NR3C2: variants seen among roughly 807,000 people sequenced by gnomAD.
NR3C2 encodes the protein mineralocorticoid receptor.
A neutral mutation model predicts 86.4 loss-of-function variants in NR3C2; 15 were observed. The observed-to-expected ratio is 0.17, with a 90% CI of 0.12 to 0.27. The LOEUF is 0.27. Ranked by LOEUF, NR3C2 falls within the 10% of genes least tolerant of loss-of-function variation. NR3C2 has a pLI of 1.00. For missense variants in NR3C2, 960 were observed against 1,195.6 expected, an observed-to-expected ratio of 0.80 and a Z score of 2.91; for synonymous variants, 458 against 450.5, an observed-to-expected ratio of 1.02 and a Z score of -0.21.
chr4:148,112,325 T>C (rs986039900), intron 8 of NR3C2, among the ~76,000 whole-genome samples: 7 of 152,244 alleles, frequency 4.6e-5, no homozygotes, highest in Non-Finnish European at 7.3e-5. Context: ...GATATTGCAC[T>C]TGTGCCTAAC....
At chr4:148,445,022 T>A, upstream of NR3C2, 1 of 983,564 alleles carries the variant, frequency 1.0e-6, no homozygotes, top group Non-Finnish European at 1.2e-6. Context: ...GGTCACGCCC[T>A]CACGAGCGGG....
Position 148,125,492 on chromosome 4 carries a change from C to T in NR3C2, c.2511-5204G>A, listed in dbSNP as rs551299587. Among the ~76,000 whole-genome samples, 14 of 152,288 alleles carry T rather than the reference C, an allele frequency of 9.2e-5. No individual in the cohort carries two copies. The South Asian group carries it at 2.7e-3, about 29-fold the overall frequency. ...TCAATAGTCAGTGGGCCATCTGTGGCATTAGTTCTGCTTTAAAGCACCCTG... is the reference window on the plus strand; with the variant it reads ...TCAATAGTCAGTGGGCCATCTGTGGTATTAGTTCTGCTTTAAAGCACCCTG... On this transcript the variant is annotated intron_variant, in intron 6 of 8. Coordinates refer to ENST00000358102, the MANE Select transcript of NR3C2 (RefSeq NM_000901.5).
intron 2 of NR3C2, among the ~76,000 whole-genome samples, chr4:148,377,300 G>T (rs1156892772): frequency 1.3e-5 from 2 of 152,198 alleles, no homozygotes; most frequent in South Asian, 4.1e-4. Flanking sequence ...ACACCTGCAT[G>T]GTATGAGGGC....
At chr4:148,270,117 T>G (rs964857997) in intron 2 of NR3C2, among the ~76,000 whole-genome samples, 3 of 152,006 alleles carry the variant, frequency 2.0e-5, no homozygotes, top group Non-Finnish European at 4.4e-5. Flanking sequence ...AAAAAGTTGA[T>G]GTAAAACATG....
At chr4:148,400,709 C>T (rs566825041) in intron 2 of NR3C2, among the ~76,000 whole-genome samples, 6 of 131,326 alleles carry the variant, frequency 4.6e-5, no homozygotes, top group South Asian at 2.5e-4. Flanking sequence ...ACCTGGGAGG[C>T]GGAGGTTGTG....
intron 2 of NR3C2, among the ~76,000 whole-genome samples, chr4:148,285,881 A>G (rs1015944245): frequency 2.6e-5 from 4 of 152,238 alleles, no homozygotes; most frequent in African/African-American, 9.6e-5. Context: ...GTTCTATTTC[A>G]CATATGTGAT....
At chr4:148,148,885 A>G (rs1421856477) in intron 6 of NR3C2, among the ~76,000 whole-genome samples, 1 of 152,192 alleles carries the variant, frequency 6.6e-6, no homozygotes, top group Admixed American at 6.5e-5. Context: ...TGCTTAGAAT[A>G]CTGACAACAG....
At position 148,147,108 on chromosome 4, in the gene NR3C2, A is replaced by G. The variant is rs1272430795; in HGVS notation, c.2510+5361T>C. On this transcript the variant is annotated intron_variant, in intron 6 of 8. Coordinates refer to ENST00000358102, the MANE Select transcript of NR3C2 (RefSeq NM_000901.5). The stretch of plus-strand genomic sequence containing the variant: ...CATATTTGAAAAGTTTTGAGTTTAT[A>G]ATAAGAAAAGTTCTATGTTAATTTA... Among the ~76,000 whole-genome samples the G allele has an allele frequency of 2.6e-5, 4 of 152,352 alleles. No homozygotes were observed. In the East Asian group the frequency reaches 5.8e-4, roughly 22 times the overall value.
intron 6 of NR3C2, among the ~76,000 whole-genome samples, chr4:148,142,105 G>T (rs1384152726): frequency 6.6e-6 from 1 of 152,206 alleles, no homozygotes; most frequent in Non-Finnish European, 1.5e-5. Context: ...GGTTAATTTG[G>T]CTGGTGTGGA....
chr4:148,361,564 C>T (rs1745838790), intron 2 of NR3C2, among the ~76,000 whole-genome samples: 1 of 152,128 alleles, frequency 6.6e-6, no homozygotes. Context: ...AAATTGTGGG[C>T]TCTGGTTTTA....
At chr4:148,250,853 C>A (rs553951963) in intron 3 of NR3C2, among the ~76,000 whole-genome samples, 1 of 152,274 alleles carries the variant, frequency 6.6e-6, no homozygotes, top group East Asian at 1.9e-4. Flanking sequence ...AGAACTGATC[C>A]ACCATCCAGT....
intron 8 of NR3C2, among the ~76,000 whole-genome samples, chr4:148,105,470 C>T (rs917716716): frequency 3.9e-5 from 6 of 152,184 alleles, no homozygotes; most frequent in Non-Finnish European, 7.3e-5. Flanking sequence ...AGTACCATTC[C>T]TTCTGAAACT....
At chr4:148,108,961 A>G (rs1731926378) in intron 8 of NR3C2, among the ~76,000 whole-genome samples, 1 of 152,114 alleles carries the variant, frequency 6.6e-6, no homozygotes, top group African/African-American at 2.4e-5. Context: ...TTCCTATATG[A>G]TGGTTTTCTG....
At chr4:148,399,134 C>T (rs187136444) in intron 2 of NR3C2, among the ~76,000 whole-genome samples, 21 of 152,294 alleles carry the variant, frequency 1.4e-4, no homozygotes, top group Admixed American at 1.0e-3. Flanking sequence ...TTTAGCATTG[C>T]TTTGCATCCC....
intron 2 of NR3C2, among the ~76,000 whole-genome samples, chr4:148,291,047 G>A (rs1302638914): frequency 2.0e-5 from 3 of 152,064 alleles, no homozygotes; most frequent in African/African-American, 7.2e-5. Context: ...CCATATAAGT[G>A]AATTAGTATT....
chr4:148,095,392 T>C (rs907148281), intron 8 of NR3C2, among the ~76,000 whole-genome samples: 4 of 152,142 alleles, frequency 2.6e-5, no homozygotes, highest in African/African-American at 9.7e-5. Flanking sequence ...TTTCTATATC[T>C]AAGGAAAATA....
intron 2 of NR3C2, among the ~76,000 whole-genome samples, chr4:148,277,643 A>C (rs542844296): frequency 6.6e-6 from 1 of 152,342 alleles, no homozygotes; most frequent in African/African-American, 2.4e-5. Flanking sequence ...AATAGTATTA[A>C]ATAAAAAGTG....
intron 6 of NR3C2, among the ~76,000 whole-genome samples, chr4:148,139,110 A>G (rs1733489579): frequency 6.6e-6 from 1 of 152,210 alleles, no homozygotes; most frequent in Non-Finnish European, 1.5e-5. Flanking sequence ...TTGCAGTACA[A>G]TATGGACAAA....
chr4:148,126,909 G>C (rs1732775390), intron 6 of NR3C2, among the ~76,000 whole-genome samples: 1 of 152,088 alleles, frequency 6.6e-6, no homozygotes, highest in South Asian at 2.1e-4. Context: ...TCCAAACCCA[G>C]GTTTTTTACT....
Sources: gnomAD v4.1 joint callset for allele counts (sites outside exome capture counted in the v4.1 genomes callset) on GRCh38, gnomAD v4.1.1 for gene constraint, MANE v1.5 for transcripts, NCBI Gene and HGNC (gene_info 2026-07-23, HGNC 2026-07-21) for gene names.